Variants in SNTB1 observed in about 807,000 individuals in gnomAD.
The protein encoded by SNTB1 is beta-1-syntrophin.
Under a neutral mutation model 48.9 loss-of-function variants are expected in SNTB1, and 36 were observed. The observed-to-expected ratio is 0.74, with a 90% CI of 0.56 to 0.97. The LOEUF (loss-of-function observed/expected upper bound fraction) is 0.97. Among genes scored for constraint, SNTB1 ranks in the 50% least tolerant of loss-of-function variants. The pLI is 0.00. For synonymous variants in SNTB1, 299 were observed against 294.6 expected (o/e 1.01, Z -0.15); for missense variants, 786 against 703.4 (o/e 1.12, Z -1.33).
chr8:120,803,951 CT>C (rs1452414445), intron 1 of SNTB1, among the ~76,000 whole-genome samples: 8 of 152,062 alleles, frequency 5.3e-5, no homozygotes, highest in Non-Finnish European at 8.8e-5. Flanking sequence ...CTACCTATAC[CT>C]TTTGTAATCA....
At chr8:120,555,205 C>G (rs1216801266) in intron 4 of SNTB1, among the ~76,000 whole-genome samples, 1 of 152,162 alleles carries the variant, frequency 6.6e-6, no homozygotes, top group Non-Finnish European at 1.5e-5. Flanking sequence ...CACGGACATA[C>G]ACTAGGAGTT....
chr8:120,697,780 A>G (rs1587097115), intron 1 of SNTB1, among the ~76,000 whole-genome samples: 1 of 152,268 alleles, frequency 6.6e-6, no homozygotes, highest in East Asian at 1.9e-4. Context: ...ACAGAGACAA[A>G]TGAAACCTTG....
intron 2 of SNTB1, among the ~76,000 whole-genome samples, chr8:120,645,173 T>C (rs962325144): frequency 8.9e-4 from 136 of 152,244 alleles, no homozygotes; most frequent in African/African-American, 3.2e-3. Flanking sequence ...TTTAATCAGA[T>C]CCCATTTGTC....
intron 1 of SNTB1, among the ~76,000 whole-genome samples, chr8:120,714,513 C>T (rs543240506): frequency 6.6e-6 from 1 of 151,164 alleles, no homozygotes; most frequent in East Asian, 1.9e-4. Context: ...AAACATTCTT[C>T]ATTAGAAGCA....
intron 1 of SNTB1, among the ~76,000 whole-genome samples, chr8:120,764,978 C>T (rs1819493141): frequency 6.6e-6 from 1 of 152,114 alleles, no homozygotes; most frequent in African/African-American, 2.4e-5. Context: ...GTAATCCTAG[C>T]ACTCCAGGAG....
intron 2 of SNTB1, among the ~76,000 whole-genome samples, chr8:120,690,181 C>T (rs893530575): frequency 6.6e-6 from 1 of 152,088 alleles, no homozygotes; most frequent in Non-Finnish European, 1.5e-5. Flanking sequence ...TGTTGTTAAT[C>T]TCTTACTGTG....
At chr8:120,607,594 A>G (rs1265451707) in intron 3 of SNTB1, among the ~76,000 whole-genome samples, 3 of 152,218 alleles carry the variant, frequency 2.0e-5, no homozygotes, top group African/African-American at 7.2e-5. Flanking sequence ...TGTTATCTTG[A>G]AAACCCTTGT....
chr8:120,656,427 TATC>T (rs1358375459), intron 2 of SNTB1, among the ~76,000 whole-genome samples: 1 of 152,224 alleles, frequency 6.6e-6, no homozygotes. Flanking sequence ...GGGGAAATGA[TATC>T]ATTATTAGTT....
chr8:120,658,334 C>G (rs951248686), intron 2 of SNTB1, among the ~76,000 whole-genome samples: 5 of 152,122 alleles, frequency 3.3e-5, no homozygotes, highest in African/African-American at 4.8e-5. Flanking sequence ...TAAAGAGAAT[C>G]TATCACATAA....
At chr8:120,781,802 G>A (rs1819834108) in intron 1 of SNTB1, among the ~76,000 whole-genome samples, 1 of 152,144 alleles carries the variant, frequency 6.6e-6, no homozygotes, top group Non-Finnish European at 1.5e-5. Flanking sequence ...ATGTTAAAGA[G>A]AAGAACAAGA....
At chr8:120,719,333 T>C (rs1294723512) in intron 1 of SNTB1, among the ~76,000 whole-genome samples, 1 of 152,164 alleles carries the variant, frequency 6.6e-6, no homozygotes, top group Non-Finnish European at 1.5e-5. Context: ...GCTGGATGCT[T>C]CCTGCCCTAA....
At chr8:120,618,832 G>C (rs1816753360) in intron 3 of SNTB1, among the ~76,000 whole-genome samples, 1 of 152,130 alleles carries the variant, frequency 6.6e-6, no homozygotes, top group Non-Finnish European at 1.5e-5. Context: ...GCAGAGGGTG[G>C]AAAATCTAGA....
At chr8:120,624,690 C>T (rs1816847650) in intron 3 of SNTB1, among the ~76,000 whole-genome samples, 1 of 151,794 alleles carries the variant, frequency 6.6e-6, no homozygotes, top group Admixed American at 6.6e-5. Context: ...GGTCCAGCAC[C>T]AACTCAAAAG....
intron 1 of SNTB1, among the ~76,000 whole-genome samples, chr8:120,704,957 A>G (rs527602037): frequency 1.1e-4 from 16 of 152,346 alleles, no homozygotes; most frequent in Admixed American, 6.5e-4. Flanking sequence ...GATTCCCATA[A>G]GAAAGTAATA....
At chr8:120,644,423 T>G (rs1016156923) in intron 2 of SNTB1, among the ~76,000 whole-genome samples, 45 of 151,382 alleles carry the variant, frequency 3.0e-4, no homozygotes, top group African/African-American at 9.9e-4. Flanking sequence ...TTTGGTTTTT[T>G]GTTCTTGCGA....
intron 1 of SNTB1, among the ~76,000 whole-genome samples, chr8:120,804,667 C>T (rs1440601142): frequency 6.6e-6 from 1 of 152,196 alleles, no homozygotes; most frequent in East Asian, 1.9e-4. Flanking sequence ...CTGAGCATGA[C>T]ATTTCCCTGC....
intron 2 of SNTB1, among the ~76,000 whole-genome samples, chr8:120,640,418 G>A (rs979225024): frequency 2.0e-5 from 3 of 152,112 alleles, no homozygotes; most frequent in Non-Finnish European, 4.4e-5. Flanking sequence ...ACACTATGTC[G>A]AATAGGAGTG....
intron 2 of SNTB1, among the ~76,000 whole-genome samples, chr8:120,681,079 T>A (rs1417498450): frequency 6.6e-6 from 1 of 152,192 alleles, no homozygotes; most frequent in African/African-American, 2.4e-5. Flanking sequence ...ATTAAAAATG[T>A]ATGATAATTA....
At chr8:120,553,741 G>C (rs554726673) in intron 4 of SNTB1, among the ~76,000 whole-genome samples, 97 of 152,318 alleles carry the variant, frequency 6.4e-4, no homozygotes, top group African/African-American at 2.3e-3. Flanking sequence ...GCTGAAGCAT[G>C]TAATCTCAGC....
Sources: allele counts gnomAD v4.1 joint callset (sites outside exome capture counted in the v4.1 genomes callset), GRCh38; gene constraint gnomAD v4.1.1; transcripts MANE v1.5; gene names NCBI Gene and HGNC (gene_info 2026-07-23, HGNC 2026-07-21).